AFG1L: variants seen among roughly 807,000 people sequenced by gnomAD.
The protein encoded by AFG1L is AFG1 like ATPase.
In AFG1L, 53 loss-of-function variants were observed where a neutral mutation model predicts 62.2. The observed-to-expected ratio is 0.85, with a 90% CI of 0.68 to 1.07. AFG1L has a LOEUF of 1.07. AFG1L is among the 50% of genes least tolerant of loss of function. The pLI, the probability that AFG1L is intolerant of heterozygous loss-of-function variation, is 0.00. For missense variants in AFG1L, 555 were observed against 590.5 expected (o/e 0.94, Z 0.62); for synonymous variants, 228 against 210.3 (o/e 1.08, Z -0.73).
chr6:108,317,671 T>C (rs1023620813), intron 1 of AFG1L, among the ~76,000 whole-genome samples: 17 of 152,194 alleles, frequency 1.1e-4, no homozygotes, highest in African/African-American at 4.1e-4. Context: ...TAGGCTTTCA[T>C]TAGTCTTACA....
chr6:108,427,213 C>T (rs1211258507), intron 7 of AFG1L, among the ~76,000 whole-genome samples: 2 of 152,054 alleles, frequency 1.3e-5, no homozygotes, highest in Non-Finnish European at 2.9e-5. Context: ...AGTGATCCTT[C>T]TGCCTCAGCC....
chr6:108,437,643 G>C (rs1562161046), intron 7 of AFG1L, among the ~76,000 whole-genome samples: 1 of 152,080 alleles, frequency 6.6e-6, no homozygotes, highest in African/African-American at 2.4e-5. Context: ...TTAGTATGGG[G>C]TACATTTATC....
intron 2 of AFG1L, among the ~76,000 whole-genome samples, chr6:108,331,491 T>G (rs913176183): frequency 1.3e-5 from 2 of 152,220 alleles, no homozygotes; most frequent in African/African-American, 4.8e-5. Context: ...TTCACCTACC[T>G]ATGTAACAAT....
chr6:108,332,201 T>C (rs1345597118), intron 2 of AFG1L, among the ~76,000 whole-genome samples: 1 of 152,254 alleles, frequency 6.6e-6, no homozygotes, highest in East Asian at 1.9e-4. Flanking sequence ...TTGCTCTAGA[T>C]GACTGCTACC....
At chr6:108,313,194 C>G (rs1777476646) in intron 1 of AFG1L, among the ~76,000 whole-genome samples, 1 of 152,102 alleles carries the variant, frequency 6.6e-6, no homozygotes, top group Non-Finnish European at 1.5e-5. Flanking sequence ...GGTTATTATT[C>G]CAGAGCCCAC....
intron 6 of AFG1L, among the ~76,000 whole-genome samples, chr6:108,381,643 T>G (rs1428761687): frequency 6.6e-6 from 1 of 152,228 alleles, no homozygotes. Flanking sequence ...TGATTTGAAA[T>G]TTCACATACG....
At chr6:108,330,825 T>C (rs1778251165) in intron 2 of AFG1L, among the ~76,000 whole-genome samples, 1 of 152,220 alleles carries the variant, frequency 6.6e-6, no homozygotes, top group South Asian at 2.1e-4. Flanking sequence ...TATCATTAAA[T>C]TCAGCTAATT....
At chr6:108,368,267 C>T (rs1779844263) in intron 6 of AFG1L, among the ~76,000 whole-genome samples, 2 of 151,700 alleles carry the variant, frequency 1.3e-5, no homozygotes, top group Admixed American at 6.6e-5. Context: ...GCTATCCCTA[C>T]TATGACATTT....
intron 7 of AFG1L, among the ~76,000 whole-genome samples, chr6:108,420,261 G>T (rs1209002695): frequency 6.6e-6 from 1 of 151,666 alleles, no homozygotes; most frequent in East Asian, 1.9e-4. Flanking sequence ...CTCCTGAATT[G>T]GAAAGAGTTG....
At position 108,339,210 on chromosome 6, in the gene AFG1L, G is replaced by A. The variant is rs544587350; in HGVS notation, c.364-7778G>A. The stretch of plus-strand genomic sequence containing the variant: ...CTTTCGCCCAGGCTGGAGTGCAGTG[G>A]TGTAATCTCAGCTCACTGCAATCTC... On this transcript the variant is annotated intron_variant, in intron 2 of 12. Coordinates refer to ENST00000368977, the MANE Select transcript of AFG1L (RefSeq NM_145315.5). 9.9e-5 allele frequency among the ~76,000 whole-genome samples: 15 copies of A among 151,620 alleles called. No individual in the cohort carries two copies. The South Asian group carries it at 1.7e-3, about 17-fold the overall frequency.
At chr6:108,384,375 C>A (rs1225776292) in intron 6 of AFG1L, among the ~76,000 whole-genome samples, 1 of 152,304 alleles carries the variant, frequency 6.6e-6, no homozygotes, top group East Asian at 1.9e-4. Context: ...CATGCATATG[C>A]AGGGCAGACT....
intron 8 of AFG1L, among the ~76,000 whole-genome samples, chr6:108,448,898 C>G (rs1490035500): frequency 1.3e-5 from 2 of 152,072 alleles, no homozygotes; most frequent in African/African-American, 2.4e-5. Flanking sequence ...GCCTATAATC[C>G]AGGCACTTTG....
intron 7 of AFG1L, among the ~76,000 whole-genome samples, chr6:108,443,856 C>CA (rs1448996469): frequency 2.0e-5 from 3 of 150,878 alleles, no homozygotes; most frequent in Non-Finnish European, 4.4e-5. Flanking sequence ...CCCTGGGCAA[C>CA]AGAGTAAGAC....
chr6:108,516,196 A>G (rs1284758822), intron 11 of AFG1L, among the ~76,000 whole-genome samples: 1 of 152,154 alleles, frequency 6.6e-6, no homozygotes, highest in African/African-American at 2.4e-5. Context: ...GAGACACAAC[A>G]AAAAAACAGA....
chr6:108,498,909 G>A (rs1055495848), intron 10 of AFG1L, among the ~76,000 whole-genome samples: 3 of 152,078 alleles, frequency 2.0e-5, no homozygotes, highest in Non-Finnish European at 4.4e-5. Flanking sequence ...GGGAGGCAGA[G>A]ACTGCAGTGA....
rs546936139 is a variant in AFG1L, at chr6:108,396,334, A to G, written c.749-5662A>G. Among the ~76,000 whole-genome samples the G allele has an allele frequency of 4.4e-4, 67 of 152,270 alleles. 1 individual carries two copies. In the South Asian group the frequency reaches 0.013, roughly 29 times the overall value. Reference sequence around the variant, plus strand: ...TGTATGTGTGTATAAATATACCTACACTGTGACAGTTACGTATATTAAAAA... The same window carrying G: ...TGTATGTGTGTATAAATATACCTACGCTGTGACAGTTACGTATATTAAAAA... On this transcript the variant is annotated intron_variant, in intron 6 of 12. Transcript: ENST00000368977.
At chr6:108,450,698 G>A (rs1247657166) in intron 8 of AFG1L, among the ~76,000 whole-genome samples, 1 of 152,066 alleles carries the variant, frequency 6.6e-6, no homozygotes, top group African/African-American at 2.4e-5. Flanking sequence ...GAATGGTATT[G>A]CCTAGGTTTT....
chr6:108,370,375 C>G (rs1461327709), intron 6 of AFG1L, among the ~76,000 whole-genome samples: 2 of 151,912 alleles, frequency 1.3e-5, no homozygotes, highest in Non-Finnish European at 2.9e-5. Flanking sequence ...ATGATGATAC[C>G]TTGGTATAAG....
chr6:108,398,363 C>G (rs1781408103), intron 6 of AFG1L, among the ~76,000 whole-genome samples: 1 of 152,122 alleles, frequency 6.6e-6, no homozygotes, highest in Admixed American at 6.5e-5. Flanking sequence ...TAATCCCTTG[C>G]CAGATGAGTA....
Sources: allele counts gnomAD v4.1 joint callset (sites outside exome capture counted in the v4.1 genomes callset), GRCh38; gene constraint gnomAD v4.1.1; transcripts MANE v1.5; gene names NCBI Gene and HGNC (gene_info 2026-07-23, HGNC 2026-07-21).